Variants in PPARGC1A observed in about 807,000 individuals in gnomAD.
PPARGC1A encodes the protein peroxisome proliferator-activated receptor gamma coactivator 1-alpha.
PPARGC1A carries 25 observed loss-of-function variants against 88.7 expected under a neutral mutation model. The ratio of observed to expected loss-of-function variants is 0.28; its 90% CI spans 0.21 to 0.39. The LOEUF (loss-of-function observed/expected upper bound fraction) is 0.39, where lower values mean the gene tolerates loss of function less well. Ranked by LOEUF, PPARGC1A falls within the 10% of genes least tolerant of loss-of-function variation. The pLI, the probability that PPARGC1A is intolerant of heterozygous loss-of-function variation, is 1.00. For missense variants in PPARGC1A, 880 were observed against 968.7 expected (o/e 0.91, Z 1.22); for synonymous variants, 363 against 355.6 (o/e 1.02, Z -0.24).
At chr4:23,837,444 T>C (rs1024009288) in intron 2 of PPARGC1A, among the ~76,000 whole-genome samples, 2 of 151,164 alleles carry the variant, frequency 1.3e-5, no homozygotes, top group Non-Finnish European at 2.9e-5. Flanking sequence ...AAGGTGTTCA[T>C]AAACATTTCC....
chr4:23,942,042 C>T, the PPARGC1A span, among the ~76,000 whole-genome samples: 2 of 151,732 alleles, frequency 1.3e-5, no homozygotes, highest in African/African-American at 4.8e-5. Context: ...ACACTATGGG[C>T]AGATACAGTC....
chr4:24,019,968 G>T, the PPARGC1A span, among the ~76,000 whole-genome samples: 1 of 152,198 alleles, frequency 6.6e-6, no homozygotes, highest in Non-Finnish European at 1.5e-5. Flanking sequence ...TTACTGACCT[G>T]AGCAACTGGC....
the PPARGC1A span, among the ~76,000 whole-genome samples, chr4:24,114,263 G>A: frequency 6.6e-6 from 1 of 152,090 alleles, no homozygotes; most frequent in African/African-American, 2.4e-5. Flanking sequence ...ACTGTTAGCT[G>A]GGCATTCTGG....
At chr4:24,208,945 A>G in the PPARGC1A span, among the ~76,000 whole-genome samples, 2 of 152,170 alleles carry the variant, frequency 1.3e-5, no homozygotes, top group African/African-American at 2.4e-5. Flanking sequence ...TTCAAAGGTC[A>G]CAGATAATAA....
At chr4:23,977,995 T>TTA in the PPARGC1A span, among the ~76,000 whole-genome samples, 1 of 152,148 alleles carries the variant, frequency 6.6e-6, no homozygotes, top group African/African-American at 2.4e-5. Flanking sequence ...GGGAAGAGAA[T>TTA]TATATCAAAA....
chr4:24,192,478 G>A, the PPARGC1A span, among the ~76,000 whole-genome samples: 1 of 152,138 alleles, frequency 6.6e-6, no homozygotes, highest in South Asian at 2.1e-4. Context: ...TATTCCTTTT[G>A]GTTTTCTTTG....
At chr4:24,343,343 C>G in the PPARGC1A span, among the ~76,000 whole-genome samples, 1 of 152,176 alleles carries the variant, frequency 6.6e-6, no homozygotes, top group African/African-American at 2.4e-5. Context: ...CCATAAGGAA[C>G]CTACCCATGG....
the PPARGC1A span, among the ~76,000 whole-genome samples, chr4:24,413,371 G>T: frequency 6.6e-6 from 1 of 152,042 alleles, no homozygotes; most frequent in Admixed American, 6.6e-5. Flanking sequence ...GATTAGAGGA[G>T]CAAGCCCCAG....
the PPARGC1A span, among the ~76,000 whole-genome samples, chr4:24,180,967 G>T: frequency 2.9e-3 from 445 of 152,236 alleles, 4 homozygotes; most frequent in Admixed American, 5.5e-3. Context: ...TGATCCCTCT[G>T]GGACAAAGAA....
At chr4:23,913,047 C>T in the PPARGC1A span, among the ~76,000 whole-genome samples, 5 of 148,680 alleles carry the variant, frequency 3.4e-5, no homozygotes, top group African/African-American at 4.9e-5. Context: ...CCTCGTGATC[C>T]GCCCGCCTCA....
chr4:23,875,661 C>T (rs185898928), intron 2 of PPARGC1A: 6 of 152,128 alleles, frequency 3.9e-5, no homozygotes, highest in Admixed American at 3.9e-4. Context: ...CTTTTATCAC[C>T]CAGCGATATT....
chr4:24,352,984 G>C, the PPARGC1A span, among the ~76,000 whole-genome samples: 1 of 152,142 alleles, frequency 6.6e-6, no homozygotes, highest in African/African-American at 2.4e-5. Flanking sequence ...TGGCATGGGA[G>C]GGGGCTGGAG....
the PPARGC1A span, among the ~76,000 whole-genome samples, chr4:24,321,313 C>T: frequency 3.3e-5 from 5 of 152,100 alleles, no homozygotes; most frequent in African/African-American, 7.2e-5. Context: ...ATGCGTATGA[C>T]GCAACTAACA....
chr4:23,980,060 C>A, the PPARGC1A span, among the ~76,000 whole-genome samples: 8 of 151,984 alleles, frequency 5.3e-5, no homozygotes, highest in African/African-American at 1.7e-4. Context: ...GCCCTTCAGA[C>A]TTTGCTGAAG....
At chr4:24,344,794 T>C in the PPARGC1A span, among the ~76,000 whole-genome samples, 2 of 152,154 alleles carry the variant, frequency 1.3e-5, no homozygotes. Flanking sequence ...TTTGTTGCAT[T>C]TGCTTTTGGG....
chr4:23,859,547 C>T (rs925798527), intron 2 of PPARGC1A, among the ~76,000 whole-genome samples: 4 of 152,088 alleles, frequency 2.6e-5, no homozygotes, highest in Non-Finnish European at 4.4e-5. Flanking sequence ...TTTGGGAGGT[C>T]GAGGTGGGTG....
the PPARGC1A span, among the ~76,000 whole-genome samples, chr4:24,322,934 C>A: frequency 6.6e-6 from 1 of 152,122 alleles, no homozygotes; most frequent in African/African-American, 2.4e-5. Context: ...CAAATTATAT[C>A]ATTGTATTAT....
chr4:23,917,314 T>C, the PPARGC1A span, among the ~76,000 whole-genome samples: 4 of 152,216 alleles, frequency 2.6e-5, no homozygotes, highest in South Asian at 4.2e-4. Context: ...ACTGCCCTCC[T>C]AGATTCTCAG....
the PPARGC1A span, among the ~76,000 whole-genome samples, chr4:24,428,418 C>T: frequency 6.6e-6 from 1 of 152,288 alleles, no homozygotes; most frequent in Non-Finnish European, 1.5e-5. Context: ...GCTCAAAATG[C>T]TACATTTGGA....
Sources: gnomAD v4.1 joint callset for allele counts (sites outside exome capture counted in the v4.1 genomes callset) on GRCh38, gnomAD v4.1.1 for gene constraint, MANE v1.5 for transcripts, NCBI Gene and HGNC (gene_info 2026-07-23, HGNC 2026-07-21) for gene names.